FCHO2: variants seen among roughly 807,000 people sequenced by gnomAD.
FCHO2 encodes the protein FCH and mu domain containing endocytic adaptor 2, also known as F-BAR domain only protein 2.
FCHO2 carries 43 observed loss-of-function variants against 114.1 expected under a neutral mutation model. The ratio of observed to expected loss-of-function variants is 0.38; its 90% CI spans 0.30 to 0.49. FCHO2 has a LOEUF of 0.49. Among genes scored for constraint, FCHO2 ranks in the 20% least tolerant of loss-of-function variants. FCHO2 has a pLI of 0.97. For synonymous variants in FCHO2, 293 were observed against 315.2 expected (o/e 0.93, Z 0.75); for missense variants, 807 against 950.4 (o/e 0.85, Z 1.98).
intron 5 of FCHO2, chr5:72,997,018 G>T: frequency 6.6e-7 from 1 of 1,512,794 alleles, no homozygotes. Context: ...AGATCTGCAT[G>T]GTAATTCAGC....
At chr5:72,990,407 G>C (rs1561427721) in intron 3 of FCHO2, 71 bp from the exon 4 acceptor site, 1 of 1,213,814 alleles carries the variant, frequency 8.2e-7, no homozygotes, top group East Asian at 2.8e-5. Flanking sequence ...TATTTCCACT[G>C]GTTCCTTGTT....
chr5:73,084,081 G>A (rs1743213506), intron 24 of FCHO2, among the ~76,000 whole-genome samples: 1 of 152,068 alleles, frequency 6.6e-6, no homozygotes, highest in African/African-American at 2.4e-5. Context: ...CAAGGAAAAG[G>A]CTGTCCTAGC....
chr5:72,996,882 G>A, intron 5 of FCHO2: 1 of 1,483,524 alleles, frequency 6.7e-7, no homozygotes, highest in Non-Finnish European at 9.1e-7. Context: ...CCCGGGGCCG[G>A]CGGGGCCGGC....
intron 2 of FCHO2, among the ~76,000 whole-genome samples, chr5:72,987,743 C>G (rs1753611613): frequency 6.6e-6 from 1 of 152,148 alleles, no homozygotes; most frequent in African/African-American, 2.4e-5. Flanking sequence ...CAAAGTATTA[C>G]TCTTGTAGTA....
rs373066061 is a variant in FCHO2, at chr5:73,036,499, G to A, written c.842-644G>A. Among the ~76,000 whole-genome samples the A allele has an allele frequency of 1.3e-3, 197 of 151,808 alleles. 2 individuals carry two copies. Among genetic ancestry groups the A allele is most frequent in the Admixed American group, 3.5e-3 (53 of 15,236 alleles). ...AGCAATCCTCTCACCCCAGCCTCCC[G>A]AGTAGCTAGGACCACAGGCGCGCAC... On this transcript the variant is annotated intron_variant, in intron 9 of 25. Coordinates refer to ENST00000430046, the MANE Select transcript of FCHO2 (RefSeq NM_138782.3).
chr5:73,005,438 C>T (rs1358474321), intron 5 of FCHO2, among the ~76,000 whole-genome samples: 1 of 152,070 alleles, frequency 6.6e-6, no homozygotes, highest in South Asian at 2.1e-4. Flanking sequence ...TTTTGTTCTC[C>T]TTAAGCTCCC....
In FCHO2 at chr5:73,077,565, C is replaced by T; in HGVS notation, c.1847+72C>T. 3 of 1,455,460 alleles carry T rather than the reference C, an allele frequency of 2.1e-6. No homozygotes were observed. The South Asian group carries it at 4.3e-5, about 21-fold the overall frequency. 90.2% of individuals were successfully genotyped at this position (1,455,460 alleles called of 1,614,324 possible). ...TTCTTTCCTGCTGTGCACAGTGGCT[C>T]ACGCCTGTAATCCCAGCAGTTTGGG... On this transcript the variant is annotated intron_variant, in intron 21 of 25. Transcript: ENST00000430046.
Position 72,974,432 on chromosome 5 carries a change from G to T in FCHO2, c.125+5843G>T, listed in dbSNP as rs1752745377. ...TTTAGGATAGTTAACTCTTCTTGTT[G>T]AATTGATCCCTTTACTATTATGTAA... On this transcript the variant is annotated intron_variant, in intron 2 of 25. Coordinates refer to ENST00000430046, the MANE Select transcript of FCHO2 (RefSeq NM_138782.3). Among the ~76,000 whole-genome samples the T allele has an allele frequency of 2.0e-5, 3 of 149,112 alleles. No individual in the cohort carries two copies. In the South Asian group the frequency reaches 6.4e-4, roughly 32 times the overall value.
At position 73,089,246 on chromosome 5, in the gene FCHO2, A is replaced by G. The variant is rs1743408929; in HGVS notation, c.*1156A>G. On this transcript the variant is annotated 3_prime_UTR_variant, in exon 26 of 26. Transcript: ENST00000430046. The stretch of plus-strand genomic sequence containing the variant: ...CTGGTATTTTAACTCTCAATTTAGC[A>G]TTTTCCTTGATACTTTATCATTGAA... 1 of 152,556 alleles carries G rather than the reference A, an allele frequency of 6.6e-6. No individual in the cohort carries two copies. Among genetic ancestry groups the G allele is most frequent in the Non-Finnish European group, 1.5e-5 (1 of 67,990 alleles). The allele number at this position is 152,556 out of a possible 1,614,324, so 9.5% of individuals were successfully genotyped here. A position where few individuals can be genotyped will look rare whatever the true frequency, so the allele number is the denominator to read the frequency against.
chr5:73,034,823 G>A (rs1411167695), intron 9 of FCHO2, 122 bp downstream of exon 9: 4 of 689,542 alleles, frequency 5.8e-6, no homozygotes, highest in East Asian at 6.2e-5. Context: ...ATGGAATGCT[G>A]TAAAAATCTG....
intron 19 of FCHO2, among the ~76,000 whole-genome samples, chr5:73,074,176 G>T (rs1742804640): frequency 6.6e-6 from 1 of 150,860 alleles, no homozygotes; most frequent in South Asian, 2.1e-4. Flanking sequence ...GTGAACTTTG[G>T]CCAGGGTTTT....
intron 18 of FCHO2, among the ~76,000 whole-genome samples, chr5:73,066,842 A>AC (rs1181926265): frequency 2.0e-5 from 3 of 151,854 alleles, no homozygotes; most frequent in Non-Finnish European, 4.4e-5. Context: ...TGTATTATTA[A>AC]CAAGCCCTCC....
chr5:72,997,435 C>G, intron 5 of FCHO2: 1 of 1,599,294 alleles, frequency 6.3e-7, no homozygotes, highest in Non-Finnish European at 8.6e-7. Flanking sequence ...TCTCTTTGGT[C>G]CACAGTGACC....
chr5:72,958,785 T>C (rs1751698205), intron 1 of FCHO2, among the ~76,000 whole-genome samples: 1 of 152,250 alleles, frequency 6.6e-6, no homozygotes, highest in African/African-American at 2.4e-5. Context: ...AAATTGATGC[T>C]CTTGTAAATG....
At chr5:73,043,759 A>G (rs1181882879) in intron 11 of FCHO2, among the ~76,000 whole-genome samples, 1 of 152,198 alleles carries the variant, frequency 6.6e-6, no homozygotes, top group Admixed American at 6.5e-5. Context: ...GGATATATGT[A>G]TTATATTTAT....
intron 5 of FCHO2, among the ~76,000 whole-genome samples, chr5:73,004,515 T>C (rs1404008663): frequency 1.3e-5 from 2 of 152,226 alleles, no homozygotes; most frequent in Admixed American, 6.6e-5. Context: ...ATGTGTTTTC[T>C]TGATGATATT....
At chr5:73,054,243 A>G (rs1757478726) in intron 14 of FCHO2, 72 bp downstream of exon 14, 2 of 1,281,628 alleles carry the variant, frequency 1.6e-6, no homozygotes, top group Non-Finnish European at 1.1e-6. Flanking sequence ...TTGACTTTCA[A>G]AATATTTGTA....
intron 5 of FCHO2, among the ~76,000 whole-genome samples, chr5:73,004,436 G>A (rs1424419710): frequency 6.6e-6 from 1 of 152,062 alleles, no homozygotes; most frequent in Non-Finnish European, 1.5e-5. Flanking sequence ...AGTCACTTTC[G>A]CTAGGGATAG....
chr5:73,011,227 G>T (rs1336581456), intron 6 of FCHO2, among the ~76,000 whole-genome samples: 1 of 152,136 alleles, frequency 6.6e-6, no homozygotes, highest in Admixed American at 6.5e-5. Context: ...CACTACTGTA[G>T]ATTTTATAAG....
Sources: gnomAD v4.1 joint callset for allele counts (sites outside exome capture counted in the v4.1 genomes callset) on GRCh38, gnomAD v4.1.1 for gene constraint, MANE v1.5 for transcripts, NCBI Gene and HGNC (gene_info 2026-07-23, HGNC 2026-07-21) for gene names.